Variants in HEATR1 observed in about 807,000 individuals in gnomAD.
The protein encoded by HEATR1 is HEAT repeat-containing protein 1.
Under a neutral mutation model 248.2 loss-of-function variants are expected in HEATR1, and 77 were observed. The observed-to-expected ratio is 0.31, with a 90% CI of 0.26 to 0.37. HEATR1 has a LOEUF of 0.37. Ranked by LOEUF, HEATR1 falls within the 10% of genes least tolerant of loss-of-function variation. HEATR1 has a pLI of 1.00. For synonymous variants in HEATR1, 897 were observed against 923.1 expected (o/e 0.97, Z 0.51); for missense variants, 2,420 against 2,504.9 (o/e 0.97, Z 0.72).
chr1:236,580,619 C>T (rs1014945134), intron 20 of HEATR1, among the ~76,000 whole-genome samples: 23 of 151,228 alleles, frequency 1.5e-4, no homozygotes, highest in African/African-American at 5.6e-4. Flanking sequence ...CAGGCACAAG[C>T]CATCTGCCTA....
intron 20 of HEATR1, among the ~76,000 whole-genome samples, chr1:236,580,665 C>T (rs2794771): frequency 0.57 from 85,900 of 151,398 alleles, 26,228 homozygotes; most frequent in Non-Finnish European, 0.69. Context: ...TACAGGCACG[C>T]ACCATCACGC....
In HEATR1 at chr1:236,574,834, C is replaced by G; in HGVS notation, c.3154G>C (p.Val1052Leu). Residue 1052 changes from valine (V) to leucine (L), a missense_variant, in exon 23 of 45, where the codon GTG (valine) becomes CTG (leucine). Coordinates refer to ENST00000366582, the MANE Select transcript of HEATR1 (RefSeq NM_018072.6). ...LEKIQKEPTA[V>L]LKDEAMVLHL... ...AGAACCATGGCCTCATCTTTCAGCA[C>G]AGCTGTGGGCTCCTTCTGGATCTTT... 1 of 1,613,932 alleles carries G rather than the reference C, an allele frequency of 6.2e-7. No homozygotes were observed. Among genetic ancestry groups the G allele is most frequent in the South Asian group, 1.1e-5 (1 of 91,078 alleles).
chr1:236,562,370 T>C (rs1307547767), intron 32 of HEATR1, among the ~76,000 whole-genome samples: 1 of 152,230 alleles, frequency 6.6e-6, no homozygotes, highest in African/African-American at 2.4e-5. Flanking sequence ...TTCTAAACAT[T>C]TGAACTGTTG....
At chr1:236,558,187 A>C (rs1206023017) in intron 36 of HEATR1, 50 bp downstream of exon 36, 4 of 1,527,328 alleles carry the variant, frequency 2.6e-6, no homozygotes, top group Admixed American at 2.2e-5. Flanking sequence ...GTTATTTTTC[A>C]ATGTGTGCCA....
chr1:236,574,574 C>CTT (rs74614923), intron 23 of HEATR1, 87 bp downstream of exon 23: 261 of 1,095,014 alleles, frequency 2.4e-4, no homozygotes, highest in East Asian at 1.1e-3. Flanking sequence ...AAATATTAAT[C>CTT]TTTTTTTTTT....
chr1:236,570,016 C>T (rs143193925), intron 28 of HEATR1, among the ~76,000 whole-genome samples: 2,133 of 152,268 alleles, frequency 0.014, 12 homozygotes, highest in Middle Eastern at 0.075. Context: ...CAGCCGGGCA[C>T]GGTGGCTCAC....
In HEATR1 at chr1:236,557,351, A is replaced by G; in HGVS notation, c.5205-6T>C. 1 of 1,613,788 alleles carries G rather than the reference A, an allele frequency of 6.2e-7. No individual in the cohort carries two copies. Among genetic ancestry groups the G allele is most frequent in the Non-Finnish European group, 8.5e-7 (1 of 1,179,780 alleles). ...TCAGCAACGATGGCATCAGGCTAGA[A>G]ACAAAGTAAGAGCTTTAGAAGAACT... On this transcript the variant is annotated splice_region_variant and splice_polypyrimidine_tract_variant and intron_variant, in intron 36 of 44. Coordinates refer to ENST00000366582, the MANE Select transcript of HEATR1 (RefSeq NM_018072.6).
chr1:236,576,071 A>T, intron 22 of HEATR1, 148 bp downstream of exon 22: 4 of 505,596 alleles, frequency 7.9e-6, no homozygotes, highest in Admixed American at 3.5e-5. Flanking sequence ...TCTCTACCTC[A>T]ACTCATCCCC....
intron 28 of HEATR1, 66 bp downstream of exon 28, chr1:236,571,285 C>T: frequency 1.3e-6 from 2 of 1,515,190 alleles, no homozygotes. Flanking sequence ...CAACAGGTGC[C>T]AGTGCATTTC....
chr1:236,595,139 T>G (rs1168160895), intron 8 of HEATR1, among the ~76,000 whole-genome samples: 1 of 152,202 alleles, frequency 6.6e-6, no homozygotes, highest in Non-Finnish European at 1.5e-5. Context: ...TCTTATATTT[T>G]TAATTACTCT....
At chr1:236,588,164 G>A (rs2103148079) in intron 12 of HEATR1, 121 bp from the exon 13 acceptor site, 1 of 634,252 alleles carries the variant, frequency 1.6e-6, no homozygotes, top group Middle Eastern at 2.6e-4. Flanking sequence ...CACAGGCTCT[G>A]CTCTGGATGA....
intron 13 of HEATR1, 55 bp from the exon 14 acceptor site, chr1:236,587,545 C>A (rs868745299): frequency 4.0e-6 from 3 of 756,772 alleles, no homozygotes; most frequent in South Asian, 3.0e-5. Flanking sequence ...ACATGTATGG[C>A]GCTTTTTAAA....
At chr1:236,593,322 C>T (rs1248499722) in intron 9 of HEATR1, among the ~76,000 whole-genome samples, 2 of 152,086 alleles carry the variant, frequency 1.3e-5, no homozygotes, top group Non-Finnish European at 2.9e-5. Flanking sequence ...TTTTAAGCCC[C>T]AGTCTGATTC....
At chr1:236,595,367 C>T (rs1462824363) in intron 8 of HEATR1, among the ~76,000 whole-genome samples, 173 bp downstream of exon 8, 1 of 152,140 alleles carries the variant, frequency 6.6e-6, no homozygotes, top group Non-Finnish European at 1.5e-5. Flanking sequence ...GATCTTTCTT[C>T]AACCAACCTG....
At chr1:236,587,843 G>GA in intron 13 of HEATR1, 105 bp downstream of exon 13, 2 of 762,456 alleles carry the variant, frequency 2.6e-6, no homozygotes, top group Non-Finnish European at 4.2e-6. Context: ...ATTTCCCATG[G>GA]AAAAATAATT....
Position 236,574,442 on chromosome 1 carries a change from T to C in HEATR1, c.3328-109A>G. 3.6e-6 allele frequency: 5 copies of C among 1,378,286 alleles called. No homozygotes were observed. The South Asian group carries it at 5.3e-5, about 15-fold the overall frequency. 85.4% of individuals were successfully genotyped at this position (1,378,286 alleles called of 1,614,324 possible). ...ATACAAAATTGTTTCCCACTTAATT[T>C]TGTCAGTTAAAATGCAATTCTTTTT... On this transcript the variant is annotated intron_variant, in intron 23 of 44. Transcript: ENST00000366582.
chr1:236,597,043 C>T, intron 5 of HEATR1, 67 bp from the exon 6 acceptor site: 1 of 1,486,710 alleles, frequency 6.7e-7, no homozygotes, highest in Non-Finnish European at 9.1e-7. Context: ...TGCTTGAGGC[C>T]AGGAGTTCAA....
chr1:236,577,446 C>A (rs557445498), intron 20 of HEATR1, among the ~76,000 whole-genome samples: 1 of 151,144 alleles, frequency 6.6e-6, no homozygotes, highest in Admixed American at 6.6e-5. Flanking sequence ...TAAACTCTTG[C>A]GAATGTTTTC....
rs76266773 is a variant in HEATR1, at chr1:236,571,522, T to C, written c.3826+46A>G. ...CCCTAAGTGGCAGGTACACTCACGC[T>C]CAAAGTAGATAATTTTTCTAACCTT... On this transcript the variant is annotated intron_variant, in intron 27 of 44. Transcript: ENST00000366582. The C allele has an allele frequency of 9.0e-4, 1,454 of 1,613,518 alleles. 8 individuals carry two copies. The African/African-American group carries it at 0.017, about 19-fold the overall frequency.
Sources: gnomAD v4.1 joint callset for allele counts (sites outside exome capture counted in the v4.1 genomes callset) on GRCh38, gnomAD v4.1.1 for gene constraint, MANE v1.5 for transcripts, NCBI Gene and HGNC (gene_info 2026-07-23, HGNC 2026-07-21) for gene names.